The following DPP10 variants were observed in gnomAD, a reference collection of about 807,000 sequenced individuals.
The protein encoded by DPP10 is inactive dipeptidyl peptidase 10.
DPP10 carries 33 observed loss-of-function variants against 120.9 expected under a neutral mutation model. The ratio of observed to expected loss-of-function variants is 0.27; its 90% CI spans 0.21 to 0.37. The LOEUF is 0.37. Among genes scored for constraint, DPP10 ranks in the 10% least tolerant of loss-of-function variants. The pLI is 1.00. For missense variants in DPP10, 816 were observed against 942.8 expected (o/e 0.87, Z 1.76); for synonymous variants, 337 against 326.1 (o/e 1.03, Z -0.36).
chr2:115,211,193 C>T (rs1430529740), intron 1 of DPP10, among the ~76,000 whole-genome samples: 1 of 150,520 alleles, frequency 6.6e-6, no homozygotes, highest in Non-Finnish European at 1.5e-5. Flanking sequence ...ATCTTTTTCT[C>T]AGAAAGTTGA....
chr2:114,907,823 G>T (rs1321014510), intron 1 of DPP10, among the ~76,000 whole-genome samples: 1 of 151,928 alleles, frequency 6.6e-6, no homozygotes, highest in African/African-American at 2.4e-5. Flanking sequence ...TTATAGTGTT[G>T]TTCAAACATG....
At chr2:115,763,182 C>T (rs1018193277) in intron 12 of DPP10, among the ~76,000 whole-genome samples, 1 of 152,168 alleles carries the variant, frequency 6.6e-6, no homozygotes, top group Middle Eastern at 3.2e-3. Context: ...CTCTTAACTA[C>T]ATTAGTGAGT....
chr2:115,468,455 A>G, intron 3 of DPP10: 1 of 442,012 alleles, frequency 2.3e-6, no homozygotes, highest in South Asian at 1.7e-5. Context: ...GTCCTCTCAC[A>G]GAGGCATCTT....
intron 3 of DPP10, among the ~76,000 whole-genome samples, chr2:115,448,480 CA>C (rs2072820390): frequency 2.0e-5 from 3 of 152,116 alleles, no homozygotes; most frequent in African/African-American, 7.2e-5. Context: ...CCTTGAGTAT[CA>C]TCTGCTAGTA....
At chr2:115,504,160 A>G (rs1449781910) in intron 4 of DPP10, among the ~76,000 whole-genome samples, 4 of 151,794 alleles carry the variant, frequency 2.6e-5, no homozygotes, top group Admixed American at 6.6e-5. Flanking sequence ...TCTTGTGTGT[A>G]TTGCTGAGTA....
Position 115,602,408 on chromosome 2 carries a change from C to A in DPP10, c.441+76436C>A, listed in dbSNP as rs2083386447. Among the ~76,000 whole-genome samples, 2 of 152,192 alleles carry A rather than the reference C, an allele frequency of 1.3e-5. 1 individual carries two copies. The highest frequency in any genetic ancestry group is 4.1e-4 in the South Asian group (2 of 4,822). On this transcript the variant is annotated intron_variant, in intron 5 of 25. Coordinates refer to ENST00000410059, the MANE Select transcript of DPP10 (RefSeq NM_020868.6). ...AAAGACCTTACAATCAAATTTATAT[C>A]ACATTAGTCCATTTCAACGCCATAT...
At chr2:114,665,061 A>G (rs1415699704) in intron 1 of DPP10, among the ~76,000 whole-genome samples, 4 of 152,136 alleles carry the variant, frequency 2.6e-5, no homozygotes, top group Non-Finnish European at 5.9e-5. Context: ...TGCTGAGGGG[A>G]CTCTGGAGTC....
intron 1 of DPP10, among the ~76,000 whole-genome samples, chr2:114,559,289 G>A (rs1464175706): frequency 2.0e-5 from 3 of 152,192 alleles, no homozygotes; most frequent in African/African-American, 7.2e-5. Context: ...AGGGAAGCAG[G>A]AAGGTCAGAA....
chr2:115,578,124 G>A (rs2081792257), intron 5 of DPP10, among the ~76,000 whole-genome samples: 1 of 152,140 alleles, frequency 6.6e-6, no homozygotes, highest in African/African-American at 2.4e-5. Flanking sequence ...CAAGCTGGCA[G>A]CCTTGCTCCA....
intron 1 of DPP10, among the ~76,000 whole-genome samples, chr2:115,112,756 G>A (rs2049294345): frequency 6.6e-6 from 1 of 152,178 alleles, no homozygotes; most frequent in Non-Finnish European, 1.5e-5. Flanking sequence ...TCAGTTAGGG[G>A]AAATATGTTC....
At chr2:114,697,364 T>C (rs1324654621) in intron 1 of DPP10, among the ~76,000 whole-genome samples, 1 of 152,054 alleles carries the variant, frequency 6.6e-6, no homozygotes, top group Non-Finnish European at 1.5e-5. Context: ...GGTTAGTTAG[T>C]AGACATAGAA....
At chr2:115,115,351 T>G (rs2049447133) in intron 1 of DPP10, among the ~76,000 whole-genome samples, 1 of 152,154 alleles carries the variant, frequency 6.6e-6, no homozygotes, top group Non-Finnish European at 1.5e-5. Context: ...ATTGCTAGCA[T>G]AACAATAAGA....
At chr2:114,487,141 C>A (rs1681586287) in intron 1 of DPP10, among the ~76,000 whole-genome samples, 2 of 152,084 alleles carry the variant, frequency 1.3e-5, no homozygotes, top group African/African-American at 4.8e-5. Context: ...GTTGTAAATA[C>A]CTTATAGAAA....
intron 1 of DPP10, among the ~76,000 whole-genome samples, chr2:114,875,705 T>C (rs894354783): frequency 1.3e-5 from 2 of 152,128 alleles, no homozygotes; most frequent in Middle Eastern, 3.2e-3. Flanking sequence ...AATGAAACAT[T>C]CATTATTTCA....
chr2:114,524,780 G>A (rs978016244), intron 1 of DPP10, among the ~76,000 whole-genome samples: 7 of 152,130 alleles, frequency 4.6e-5, no homozygotes, highest in African/African-American at 1.7e-4. Context: ...TCTGATATAG[G>A]AGGGAAGGAA....
At chr2:115,714,224 G>T (rs555882726) in intron 7 of DPP10, among the ~76,000 whole-genome samples, 1 of 152,154 alleles carries the variant, frequency 6.6e-6, no homozygotes, top group Admixed American at 6.5e-5. Context: ...GTGTTTGGAG[G>T]TTCAGTTTGA....
chr2:114,692,231 G>A (rs183881102), intron 1 of DPP10, among the ~76,000 whole-genome samples: 1 of 151,810 alleles, frequency 6.6e-6, no homozygotes, highest in African/African-American at 2.4e-5. Flanking sequence ...GTGCTATTAA[G>A]TTCCCTCTTA....
intron 10 of DPP10, among the ~76,000 whole-genome samples, chr2:115,751,651 G>A (rs565687193): frequency 3.3e-5 from 5 of 152,142 alleles, no homozygotes; most frequent in South Asian, 4.2e-4. Flanking sequence ...GTAGCTACTC[G>A]GTAATGTTAG....
chr2:114,653,684 C>T (rs144997574), intron 1 of DPP10, among the ~76,000 whole-genome samples: 26 of 152,250 alleles, frequency 1.7e-4, no homozygotes, highest in African/African-American at 6.0e-4. Flanking sequence ...TTTGCTCCTA[C>T]CCTAACCTTG....
Sources: allele counts gnomAD v4.1 joint callset (sites outside exome capture counted in the v4.1 genomes callset), GRCh38; gene constraint gnomAD v4.1.1; transcripts MANE v1.5; gene names NCBI Gene and HGNC (gene_info 2026-07-23, HGNC 2026-07-21).